Variants in PRDM1 observed in about 807,000 individuals in gnomAD.
PRDM1 encodes the protein PR/SET domain 1.
A neutral mutation model predicts 62.8 loss-of-function variants in PRDM1; 13 were observed. The ratio of observed to expected loss-of-function variants is 0.21; its 90% CI spans 0.13 to 0.33. PRDM1 has a LOEUF of 0.33. PRDM1 is among the 10% of genes least tolerant of loss of function. The pLI is 1.00. For synonymous variants in PRDM1, 396 were observed against 417.6 expected, an observed-to-expected ratio of 0.95 and a Z score of 0.63; for missense variants, 895 against 1,058.8, an observed-to-expected ratio of 0.85 and a Z score of 2.15.
In PRDM1 at chr6:106,108,509, T is replaced by C. The variant is rs372529994; in HGVS notation, c.*1023T>C. ...TTGAGTCTGGGTGGTGTTTTGTTGT[T>C]GGTTTTTGTTGCTTTTTTTTTTTTT... is the stretch of plus-strand genomic sequence containing the variant. On this transcript the variant is annotated 3_prime_UTR_variant, in exon 7 of 7. Coordinates refer to ENST00000369096, the MANE Select transcript of PRDM1 (RefSeq NM_001198.4). The C allele has an allele frequency of 1.4e-5, 3 of 221,414 alleles. No homozygotes were observed. The highest frequency in any genetic ancestry group is 6.2e-5 in the East Asian group (1 of 16,146). 13.7% of individuals were successfully genotyped at this position (221,414 alleles called of 1,614,324 possible). A position where few individuals can be genotyped will look rare whatever the true frequency, so the allele number is the denominator to read the frequency against.
chr6:106,088,290 G>A lies in PRDM1; in HGVS notation c.132G>A (p.Ala44=), dbSNP rs772525976. 13 of 1,613,970 alleles carry A rather than the reference G, an allele frequency of 8.1e-6. No homozygotes were observed. In the South Asian group the frequency reaches 8.8e-5, roughly 11 times the overall value. ...KGTMKMDMED[A]DMTLWTEAEF... is the part of the protein sequence containing the mutation. ...CCATGAAAATGGACATGGAGGATGC[G>A]GATATGACTCTGTGGACAGAGGCTG... The change falls in exon 2 of 7, where the codon GCG becomes GCA. Residue 44 remains alanine (A), a synonymous_variant. Transcript: ENST00000369096.
chr6:106,040,106 G>A (rs1421146754), intron 1 of PRDM1, among the ~76,000 whole-genome samples: 2 of 152,240 alleles, frequency 1.3e-5, no homozygotes, highest in African/African-American at 4.8e-5. Context: ...AAATGATTAA[G>A]CAGCCAAATG....
chr6:106,095,582 A>T, intron 2 of PRDM1, 33 bp from the exon 3 acceptor site: 1 of 1,607,100 alleles, frequency 6.2e-7, no homozygotes, highest in Non-Finnish European at 8.5e-7. Context: ...TTTATAGTCA[A>T]AGTAATTGTT....
intron 1 of PRDM1, among the ~76,000 whole-genome samples, chr6:106,053,959 C>T (rs1482209560): frequency 6.6e-6 from 1 of 151,968 alleles, no homozygotes; most frequent in Non-Finnish European, 1.5e-5. Context: ...TTATGAACCA[C>T]TTGTAAAAAG....
intron 3 of PRDM1, chr6:106,099,073 C>A: frequency 6.2e-7 from 1 of 1,613,996 alleles, no homozygotes; most frequent in Non-Finnish European, 8.5e-7. Context: ...CATGAAAAGA[C>A]GATAAAACTG....
chr6:106,098,591 C>T (rs577645213), intron 3 of PRDM1: 2 of 1,310,912 alleles, frequency 1.5e-6, no homozygotes, highest in East Asian at 1.0e-4. Flanking sequence ...AAGTGCAAGT[C>T]TGGACATGTT....
rs749692211 is a variant in PRDM1 at position 106,107,635 on chromosome 6, T to G, written c.*149T>G. 1 of 546,046 alleles carries G rather than the reference T, an allele frequency of 1.8e-6. No homozygotes were observed. The highest frequency in any genetic ancestry group is 3.0e-6 in the Non-Finnish European group (1 of 338,748). 33.8% of individuals were successfully genotyped at this position (546,046 alleles called of 1,614,324 possible). A position where few individuals can be genotyped will look rare whatever the true frequency, so the allele number is the denominator to read the frequency against. On this transcript the variant is annotated 3_prime_UTR_variant, in exon 7 of 7. Coordinates refer to ENST00000369096, the MANE Select transcript of PRDM1 (RefSeq NM_001198.4). Reference sequence around the variant, plus strand: ...TCACCTCTGGAATTAAAGAAGGAACTCCAAAGTTACTGAAATCTCAGGGCA... The same window carrying G: ...TCACCTCTGGAATTAAAGAAGGAACGCCAAAGTTACTGAAATCTCAGGGCA...
chr6:106,080,357 T>A (rs910603551), intron 1 of PRDM1, among the ~76,000 whole-genome samples: 21 of 152,344 alleles, frequency 1.4e-4, no homozygotes, highest in Non-Finnish European at 2.8e-4. Flanking sequence ...ATTAGTGAAC[T>A]GTCTGAGGCC....
chr6:106,036,771 C>G (rs1276329750), intron 1 of PRDM1, among the ~76,000 whole-genome samples: 1 of 152,044 alleles, frequency 6.6e-6, no homozygotes, highest in Non-Finnish European at 1.5e-5. Flanking sequence ...ACCAGCCTGG[C>G]CAACCTGGTG....
At chr6:106,018,756 A>C (rs1345004971) in intron 1 of PRDM1, among the ~76,000 whole-genome samples, 2 of 152,148 alleles carry the variant, frequency 1.3e-5, no homozygotes, top group East Asian at 3.8e-4. Context: ...ATATATCAAC[A>C]TGACTTATCA....
intron 1 of PRDM1, among the ~76,000 whole-genome samples, chr6:106,080,148 G>A (rs1263534064): frequency 1.3e-5 from 2 of 152,190 alleles, no homozygotes; most frequent in Non-Finnish European, 2.9e-5. Context: ...CTAGCTGGTG[G>A]TGGCAGCGTA....
chr6:106,036,535 T>G (rs1252248202), intron 1 of PRDM1, among the ~76,000 whole-genome samples: 2 of 152,208 alleles, frequency 1.3e-5, no homozygotes, highest in African/African-American at 4.8e-5. Context: ...TATAGCTCCA[T>G]CCTCACCTCT....
chr6:106,064,968 A>C (rs1395673346), intron 1 of PRDM1, among the ~76,000 whole-genome samples: 1 of 151,890 alleles, frequency 6.6e-6, no homozygotes, highest in African/African-American at 2.4e-5. Context: ...CTTCAGTAGG[A>C]CCTCTGCCAG....
intron 1 of PRDM1, among the ~76,000 whole-genome samples, chr6:106,032,869 C>T (rs1772866340): frequency 1.3e-5 from 2 of 152,122 alleles, no homozygotes; most frequent in Non-Finnish European, 2.9e-5. Flanking sequence ...ATTCTAGTTC[C>T]CTTCCACTCA....
rs1367301226 is a variant in PRDM1, at chr6:106,109,632, A to AT, written c.*2148dup. 4.3e-6 allele frequency: 1 copy of AT among 233,404 alleles called. No individual in the cohort carries two copies. 14.5% of individuals were successfully genotyped at this position (233,404 alleles called of 1,614,324 possible). ...GTTGACATTAGACCAAATACTTTTG[A>AT]TTCCCAACTACTCGTTTGTTCTTTT... On this transcript the variant is annotated 3_prime_UTR_variant, in exon 7 of 7. Coordinates refer to ENST00000369096, the MANE Select transcript of PRDM1 (RefSeq NM_001198.4).
chr6:106,043,144 A>G (rs1773026739), intron 1 of PRDM1, among the ~76,000 whole-genome samples: 1 of 151,758 alleles, frequency 6.6e-6, no homozygotes, highest in South Asian at 2.1e-4. Context: ...AGCCACCACA[A>G]CTGGCCCAAG....
chr6:106,096,974 T>G (rs1218873122), intron 3 of PRDM1, among the ~76,000 whole-genome samples: 1 of 152,214 alleles, frequency 6.6e-6, no homozygotes, highest in African/African-American at 2.4e-5. Context: ...CTAGAACGAT[T>G]ATATCGTTCG....
At chr6:106,092,635 C>CT (rs1773995302) in intron 2 of PRDM1, among the ~76,000 whole-genome samples, 1 of 152,156 alleles carries the variant, frequency 6.6e-6, no homozygotes, top group Non-Finnish European at 1.5e-5. Context: ...GATGGGTAGT[C>CT]TAAGATGCAC....
intron 1 of PRDM1, among the ~76,000 whole-genome samples, chr6:106,031,064 AG>A (rs1331740820): frequency 2.0e-5 from 3 of 151,124 alleles, no homozygotes; most frequent in Middle Eastern, 3.2e-3. Flanking sequence ...GTAATAAAAA[AG>A]TTTGTTTTGG....
Sources: allele counts gnomAD v4.1 joint callset (sites outside exome capture counted in the v4.1 genomes callset), GRCh38; gene constraint gnomAD v4.1.1; transcripts MANE v1.5; gene names NCBI Gene and HGNC (gene_info 2026-07-23, HGNC 2026-07-21).